Variants in FCN1 observed in about 807,000 individuals in gnomAD.
The protein encoded by FCN1 is ficolin-1.
In FCN1, 42 loss-of-function variants were observed where a neutral mutation model predicts 35.6. The ratio of observed to expected loss-of-function variants is 1.18; its 90% CI spans 0.92 to 1.53. The LOEUF (loss-of-function observed/expected upper bound fraction) is 1.53, where lower values mean the gene tolerates loss of function less well. Among genes scored for constraint, FCN1 ranks in the 40% most tolerant of loss-of-function variants. The pLI is 0.00. For missense variants in FCN1, 439 were observed against 428.4 expected (o/e 1.02, Z -0.22); for synonymous variants, 179 against 169.8 (o/e 1.05, Z -0.42).
In FCN1 at chr9:134,907,514, G is replaced by C. The variant is rs1211253205; in HGVS notation, c.*2284C>G. On this transcript the variant is annotated 3_prime_UTR_variant, in exon 9 of 9. Transcript: ENST00000371806. Reference sequence around the variant, plus strand: ...AAACATCCTTACAATCACCACCTGGGTCAAGAAACAGAGCATTGCCAGAAC... The same window carrying C: ...AAACATCCTTACAATCACCACCTGGCTCAAGAAACAGAGCATTGCCAGAAC... The C allele has an allele frequency of 6.6e-6, 1 of 152,194 alleles. No individual in the cohort carries two copies. Among genetic ancestry groups the C allele is most frequent in the East Asian group, 1.9e-4 (1 of 5,200 alleles). The allele number at this position is 152,194 out of a possible 1,614,324, so 9.4% of individuals were successfully genotyped here.
intron 2 of FCN1, 48 bp from the exon 3 acceptor site, chr9:134,914,857 T>C (rs1261297381): frequency 6.8e-7 from 1 of 1,467,070 alleles, no homozygotes; most frequent in South Asian, 1.2e-5. Context: ...ACCTAAACAA[T>C]TCTCCCTGGA....
At chr9:134,913,504 C>T (rs1483970508) in intron 5 of FCN1, 77 bp downstream of exon 5, 17 of 1,183,500 alleles carry the variant, frequency 1.4e-5, no homozygotes, top group East Asian at 4.7e-5. Context: ...CCTTAGATTC[C>T]GTAGCGTGAA....
chr9:134,909,335 T>C lies in FCN1; in HGVS notation c.*463A>G, dbSNP rs1183534713. The C allele has an allele frequency of 1.1e-5, 14 of 1,288,574 alleles. No homozygotes were observed. The Admixed American group carries it at 2.3e-4, about 21-fold the overall frequency. The allele number at this position is 1,288,574 out of a possible 1,614,324, so 79.8% of individuals were successfully genotyped here. The stretch of plus-strand genomic sequence containing the variant: ...CTTTTTCAAGAAGTGTGAAGTGTTG[T>C]GAGTGAGGCATGGGGGGATGGGGGA... On this transcript the variant is annotated 3_prime_UTR_variant, in exon 9 of 9. Transcript: ENST00000371806.
In FCN1 at chr9:134,916,370, C is replaced by T. The variant is rs960914264; in HGVS notation, c.195G>A (p.Glu65=). 6 of 1,614,046 alleles carry T rather than the reference C, an allele frequency of 3.7e-6. No homozygotes were observed. The highest frequency in any genetic ancestry group is 1.6e-4 in the Middle Eastern group (1 of 6,084). ...GLPGAPGPKG[E]AGVIGERGER... ...TACCTCTCTCTCCAATGACACCTGC[C>T]TCTCCCTTTGGCCCTGGGGCCCCGG... Residue 65 remains glutamate (E), a synonymous_variant, in exon 2 of 9, where the codon GAG becomes GAA. Transcript: ENST00000371806.
rs540160919 is a variant in FCN1, at chr9:134,916,598, C to A, written c.104-137G>T. 23 of 884,120 alleles carry A rather than the reference C, an allele frequency of 2.6e-5. No homozygotes were observed. The African/African-American group carries it at 2.6e-4, about 10-fold the overall frequency. The allele number at this position is 884,120 out of a possible 1,614,324, so 54.8% of individuals were successfully genotyped here. ...GGCGGAGATGTGATGGGGGGCAGAG[C>A]TCTGGCTTTGGAGGCCACCCCGACC... On this transcript the variant is annotated intron_variant, in intron 1 of 8. Coordinates refer to ENST00000371806, the MANE Select transcript of FCN1 (RefSeq NM_002003.5).
chr9:134,916,830 CA>C (rs1161914094), intron 1 of FCN1, among the ~76,000 whole-genome samples: 29 of 152,336 alleles, frequency 1.9e-4, no homozygotes, highest in African/African-American at 6.3e-4. Context: ...TAACTAATGA[CA>C]ATCAATATTT....
chr9:134,910,092 C>T, intron 8 of FCN1, 47 bp from the exon 9 acceptor site: 1 of 1,547,656 alleles, frequency 6.5e-7, no homozygotes, highest in Non-Finnish European at 8.9e-7. Context: ...AAAAGCCCTG[C>T]CACTGTGAGA....
intron 2 of FCN1, among the ~76,000 whole-genome samples, chr9:134,915,325 C>G (rs1344343534): frequency 6.6e-6 from 1 of 152,148 alleles, no homozygotes; most frequent in African/African-American, 2.4e-5. Context: ...AGGTGACCCT[C>G]CCGTCCCCGA....
rs1830984430 is a variant in FCN1 at position 134,908,736 on chromosome 9, C to T, written c.*1062G>A. On this transcript the variant is annotated 3_prime_UTR_variant, in exon 9 of 9. Transcript: ENST00000371806. ...CCTAGAACCCTGGAAGGAGCCACCA[C>T]TGCTGAGTCCTGCCTGCTGGCCCAG... 1 of 163,008 alleles carries T rather than the reference C, an allele frequency of 6.1e-6. No individual in the cohort carries two copies. The highest frequency in any genetic ancestry group is 1.3e-5 in the Non-Finnish European group (1 of 74,494). The allele number at this position is 163,008 out of a possible 1,614,324, so 10.1% of individuals were successfully genotyped here.
chr9:134,912,613 A>C lies in FCN1; in HGVS notation c.471T>G (p.Val157=), dbSNP rs1003441838. Reference sequence around the variant, plus strand: ...CAGAGCCATCCATCCTCCGCTGGAAAACCTGTGAAGAAGCCAGGATACAGA... The same window carrying C: ...CAGAGCCATCCATCCTCCGCTGGAACACCTGTGAAGAAGCCAGGATACAGA... ...DMDTDGGGWT[V]FQRRMDGSVD... Residue 157 remains valine, a splice_region_variant and synonymous_variant, in exon 7 of 9, where the codon GTT becomes GTG. Transcript: ENST00000371806. 6.8e-6 allele frequency: 11 copies of C among 1,614,002 alleles called. No homozygotes were observed. Among genetic ancestry groups the C allele is most frequent in the African/African-American group, 1.3e-5 (1 of 74,924 alleles).
In FCN1 at chr9:134,905,644, C is replaced by T. The variant is rs530486998; in HGVS notation, c.*4154G>A. Among the ~76,000 whole-genome samples, 8 of 151,760 alleles carry T rather than the reference C, an allele frequency of 5.3e-5. No homozygotes were observed. The highest frequency in any genetic ancestry group is 3.4e-3 in the Middle Eastern group (1 of 294). On this transcript the variant is annotated 3_prime_UTR_variant, in exon 9 of 9. Transcript: ENST00000371806. ...GACGATAGGCATCCCCCACCATGAA[C>T]GGCTAATTTTTTTGTATTTTTAGTA...
At chr9:134,912,022 C>A (rs1016998183) in intron 7 of FCN1, among the ~76,000 whole-genome samples, 4 of 149,200 alleles carry the variant, frequency 2.7e-5, no homozygotes, top group African/African-American at 9.7e-5. Context: ...GCCTCAGGAC[C>A]AGCTGTGAAA....
Position 134,908,190 on chromosome 9 carries a change from G to A in FCN1, c.*1608C>T, listed in dbSNP as rs1415382424. The A allele has an allele frequency of 6.6e-6, 1 of 152,342 alleles. No homozygotes were observed. The highest frequency in any genetic ancestry group is 1.5e-5 in the Non-Finnish European group (1 of 68,074). 9.4% of individuals were successfully genotyped at this position (152,342 alleles called of 1,614,324 possible). ...TGCATTTCTCTGGTAAGTGAAAAGT[G>A]GAGCACTTTTTGATAAATACCTTGC... On this transcript the variant is annotated 3_prime_UTR_variant, in exon 9 of 9. Transcript: ENST00000371806.
Position 134,914,827 on chromosome 9 carries a change from A to T in FCN1, c.218-18T>A. Reference sequence around the variant, plus strand: ...GCGTTCTCCTGAAAATTCCAAAGACATATCACTGAGAAAAATGCAACCTAA... The same window carrying T: ...GCGTTCTCCTGAAAATTCCAAAGACTTATCACTGAGAAAAATGCAACCTAA... On this transcript the variant is annotated intron_variant, in intron 2 of 8. Transcript: ENST00000371806. 1.9e-6 allele frequency: 3 copies of T among 1,606,038 alleles called. No individual in the cohort carries two copies. The highest frequency in any genetic ancestry group is 2.6e-6 in the Non-Finnish European group (3 of 1,173,946).
At chr9:134,915,011 T>C (rs1831074089) in intron 2 of FCN1, among the ~76,000 whole-genome samples, 1 of 152,160 alleles carries the variant, frequency 6.6e-6, no homozygotes, top group South Asian at 2.1e-4. Flanking sequence ...GGGAGGGGCC[T>C]GCACCCCACC....
At chr9:134,910,493 C>T (rs1218463444) in intron 8 of FCN1, among the ~76,000 whole-genome samples, 1 of 152,178 alleles carries the variant, frequency 6.6e-6, no homozygotes, top group African/African-American at 2.4e-5. Flanking sequence ...AGAAATGTCA[C>T]CCCCTGAGCC....
rs1296879282 is a variant in FCN1, at chr9:134,904,027, A to T, written c.*5771T>A. ...GAAACTAGAACAAGAGACATATGAGACACGAGCAAACATTGGCCATTGGTG... is the reference window on the plus strand; with the variant it reads ...GAAACTAGAACAAGAGACATATGAGTCACGAGCAAACATTGGCCATTGGTG... On this transcript the variant is annotated 3_prime_UTR_variant, in exon 9 of 9. Coordinates refer to ENST00000371806, the MANE Select transcript of FCN1 (RefSeq NM_002003.5). 1.3e-5 allele frequency among the ~76,000 whole-genome samples: 2 copies of T among 152,216 alleles called. No homozygotes were observed. Among genetic ancestry groups the T allele is most frequent in the African/African-American group, 2.4e-5 (1 of 41,454 alleles).
chr9:134,913,827 G>A (rs1005149613), intron 4 of FCN1, among the ~76,000 whole-genome samples: 1 of 152,352 alleles, frequency 6.6e-6, no homozygotes, highest in East Asian at 1.9e-4. Context: ...CTGCTGTGCA[G>A]CTTGAGCTTG....
At position 134,917,828 on chromosome 9, in the gene FCN1, A is replaced by G; in HGVS notation, c.44T>C (p.Leu15Pro). The G allele has an allele frequency of 6.2e-7, 1 of 1,614,050 alleles. No homozygotes were observed. The highest frequency in any genetic ancestry group is 8.5e-7 in the Non-Finnish European group (1 of 1,179,968). Reference sequence around the variant, plus strand: ...CTTGATATGCAGGAACAAGACTAGCAGGACAGCGAGCCCCCGGGCCATGGT... The same window carrying G: ...CTTGATATGCAGGAACAAGACTAGCGGGACAGCGAGCCCCCGGGCCATGGT... ...GATMARGLAV[L>P]LVLFLHIKNL... Residue 15 changes from leucine (L) to proline (P), a missense_variant, in exon 1 of 9, where the codon CTG becomes CCG. Coordinates refer to ENST00000371806, the MANE Select transcript of FCN1 (RefSeq NM_002003.5).
Sources: gnomAD v4.1 joint callset for allele counts (sites outside exome capture counted in the v4.1 genomes callset) on GRCh38, gnomAD v4.1.1 for gene constraint, MANE v1.5 for transcripts, NCBI Gene and HGNC (gene_info 2026-07-23, HGNC 2026-07-21) for gene names.